Variants in ZNF385D observed in about 807,000 individuals in gnomAD.
ZNF385D encodes the protein zinc finger protein 385D, also known as zinc finger protein 659.
ZNF385D carries 15 observed loss-of-function variants against 35.8 expected under a neutral mutation model. That is an observed-to-expected ratio of 0.42 (90% CI 0.28 to 0.64). The LOEUF is 0.64. Ranked by LOEUF, ZNF385D falls within the 30% of genes least tolerant of loss-of-function variation. The pLI is 0.23. For missense variants in ZNF385D, 474 were observed against 494.6 expected (o/e 0.96, Z 0.39); for synonymous variants, 212 against 186.8 (o/e 1.13, Z -1.10).
At chr3:22,223,326 T>G (rs755291610) in intron 2 of ZNF385D, among the ~76,000 whole-genome samples, 40 of 152,180 alleles carry the variant, frequency 2.6e-4, no homozygotes, top group Non-Finnish European at 4.6e-4. Context: ...GTTGGCAATT[T>G]TCATAAGTAT....
chr3:22,071,392 C>G (rs1370446055), intron 3 of ZNF385D, among the ~76,000 whole-genome samples: 1 of 152,016 alleles, frequency 6.6e-6, no homozygotes, highest in Non-Finnish European at 1.5e-5. Context: ...TTCCAGAAAC[C>G]TGAGGAAGAA....
intron 3 of ZNF385D, among the ~76,000 whole-genome samples, chr3:22,057,938 AC>A (rs1699493041): frequency 6.6e-6 from 1 of 152,234 alleles, no homozygotes; most frequent in Non-Finnish European, 1.5e-5. Context: ...TTTCACTATG[AC>A]AAACATGCCA....
At chr3:22,203,722 G>C (rs953229391) in intron 2 of ZNF385D, among the ~76,000 whole-genome samples, 8 of 152,106 alleles carry the variant, frequency 5.3e-5, no homozygotes, top group African/African-American at 1.9e-4. Flanking sequence ...GGTGGTTGTG[G>C]TGGACATGGA....
At chr3:22,273,054 G>T (rs1434582078) in intron 2 of ZNF385D, among the ~76,000 whole-genome samples, 1 of 151,470 alleles carries the variant, frequency 6.6e-6, no homozygotes, top group Non-Finnish European at 1.5e-5. Context: ...ATTTTAAAAA[G>T]CCAAGGAAAG....
chr3:22,061,453 CAG>C (rs1194318123), intron 3 of ZNF385D, among the ~76,000 whole-genome samples: 3 of 152,164 alleles, frequency 2.0e-5, no homozygotes, highest in Non-Finnish European at 4.4e-5. Flanking sequence ...GTTTACCCCA[CAG>C]AGTTTATTCT....
At chr3:22,284,999 CTGAA>C (rs1260102380) in intron 2 of ZNF385D, among the ~76,000 whole-genome samples, 1 of 152,052 alleles carries the variant, frequency 6.6e-6, no homozygotes, top group Non-Finnish European at 1.5e-5. Context: ...GAAAAAGTTA[CTGAA>C]TGAATGTTTA....
At chr3:22,261,715 G>A (rs1242982035) in intron 2 of ZNF385D, among the ~76,000 whole-genome samples, 1 of 151,896 alleles carries the variant, frequency 6.6e-6, no homozygotes, top group African/African-American at 2.4e-5. Context: ...CATCTGCCCT[G>A]CCGTTTTGCC....
chr3:22,293,764 G>T (rs752597118), intron 2 of ZNF385D, among the ~76,000 whole-genome samples: 1 of 152,062 alleles, frequency 6.6e-6, no homozygotes, highest in Non-Finnish European at 1.5e-5. Context: ...GCATCACCTG[G>T]TAGCTTTCAA....
At chr3:21,832,033 A>G (rs1695023536) in intron 3 of ZNF385D, among the ~76,000 whole-genome samples, 1 of 152,110 alleles carries the variant, frequency 6.6e-6, no homozygotes, top group Non-Finnish European at 1.5e-5. Context: ...TTACTTATAG[A>G]AACATTAAAA....
chr3:21,761,799 T>C (rs564830297), intron 3 of ZNF385D, among the ~76,000 whole-genome samples: 6 of 150,546 alleles, frequency 4.0e-5, no homozygotes, highest in Non-Finnish European at 7.4e-5. Context: ...ACCCAAGTGA[T>C]AAAAATTGTA....
chr3:22,073,603 G>A (rs547979262), intron 3 of ZNF385D, among the ~76,000 whole-genome samples: 1 of 151,994 alleles, frequency 6.6e-6, no homozygotes, highest in African/African-American at 2.4e-5. Context: ...TGAATTATGA[G>A]ATTATGCAAA....
Position 21,788,017 on chromosome 3 carries a change from A to G in ZNF385D, c.326-122989T>C, listed in dbSNP as rs114327533. ...AGAGCAATAGTTAATAACCTCAGAG[A>G]AGCAGAAATTAATATTGTGCCCATT... On this transcript the variant is annotated intron_variant, in intron 3 of 5. Coordinates refer to the ZNF385D transcript ENST00000494108. Among the ~76,000 whole-genome samples the G allele has an allele frequency of 4.1e-3, 610 of 149,654 alleles. 12 individuals are homozygous for G. The highest frequency in any genetic ancestry group is 0.014 in the African/African-American group (571 of 40,860).
At chr3:22,118,491 A>C (rs1335981444) in intron 3 of ZNF385D, among the ~76,000 whole-genome samples, 1 of 152,134 alleles carries the variant, frequency 6.6e-6, no homozygotes, top group Non-Finnish European at 1.5e-5. Flanking sequence ...TGTAGACTGT[A>C]CATCTCCAAA....
chr3:22,133,531 A>T (rs1323073797), intron 3 of ZNF385D: 1 of 152,084 alleles, frequency 6.6e-6, no homozygotes, highest in African/African-American at 2.4e-5. Flanking sequence ...ATTAAATTTC[A>T]TACAGACTGC....
At chr3:22,029,980 G>A (rs1265071885) in intron 3 of ZNF385D, among the ~76,000 whole-genome samples, 1 of 151,834 alleles carries the variant, frequency 6.6e-6, no homozygotes, top group Non-Finnish European at 1.5e-5. Context: ...ATTTGAGTCA[G>A]TGGGCTGGGG....
chr3:22,342,898 T>G (rs1422593941), intron 2 of ZNF385D, among the ~76,000 whole-genome samples: 1 of 152,194 alleles, frequency 6.6e-6, no homozygotes, highest in Non-Finnish European at 1.5e-5. Context: ...CCTAATAATC[T>G]AAAGCTTCTG....
At chr3:22,144,683 C>G (rs1196672151) in intron 3 of ZNF385D, among the ~76,000 whole-genome samples, 1 of 148,508 alleles carries the variant, frequency 6.7e-6, no homozygotes, top group Non-Finnish European at 1.5e-5. Context: ...ACCAATAGTA[C>G]ATAGTGATCA....
At chr3:21,950,470 G>C (rs1287948444) in intron 3 of ZNF385D, among the ~76,000 whole-genome samples, 1 of 151,768 alleles carries the variant, frequency 6.6e-6, no homozygotes, top group Non-Finnish European at 1.5e-5. Context: ...CAGAGGCACA[G>C]ATTGCAAAAA....
intron 3 of ZNF385D, among the ~76,000 whole-genome samples, chr3:21,850,032 C>G (rs568280625): frequency 5.3e-5 from 8 of 152,090 alleles, no homozygotes; most frequent in Non-Finnish European, 1.0e-4. Flanking sequence ...GCGTGAGCCA[C>G]CACACTCAGC....
Sources: allele counts gnomAD v4.1 joint callset (sites outside exome capture counted in the v4.1 genomes callset), GRCh38; gene constraint gnomAD v4.1.1; transcripts MANE v1.5; gene names NCBI Gene and HGNC (gene_info 2026-07-23, HGNC 2026-07-21).